Variants in PDE4B observed in about 807,000 individuals in gnomAD.
PDE4B encodes 3',5'-cyclic-AMP phosphodiesterase 4B.
A neutral mutation model predicts 82.2 loss-of-function variants in PDE4B; 20 were observed. That is an observed-to-expected ratio of 0.24 (90% confidence interval 0.17 to 0.35). The LOEUF (loss-of-function observed/expected upper bound fraction) is 0.35, where lower values mean the gene tolerates loss of function less well. PDE4B is among the 10% of genes least tolerant of loss of function. The probability of loss-of-function intolerance (pLI) is 1.00; values close to 1 mark genes in which losing one functional copy is unlikely to be tolerated. For synonymous variants in PDE4B, 320 were observed against 318.9 expected, an observed-to-expected ratio of 1.00 and a Z score of -0.04; for missense variants, 655 against 907.2, an observed-to-expected ratio of 0.72 and a Z score of 3.57.
At chr1:65,969,402 A>G (rs1400162147) in intron 3 of PDE4B, among the ~76,000 whole-genome samples, 3 of 152,198 alleles carry the variant, frequency 2.0e-5, no homozygotes, top group Non-Finnish European at 2.9e-5. Context: ...CTATCCTACC[A>G]TCTGCCTAGG....
At position 65,913,226 on chromosome 1, in the gene PDE4B, G is replaced by T; in HGVS notation, c.-70-19G>T. On this transcript the variant is annotated intron_variant, in intron 1 of 16. Coordinates refer to ENST00000341517, the MANE Select transcript of PDE4B (RefSeq NM_002600.4). ...AGGATACAGAGCTGTTCTTTTTTGT[G>T]TGTTTTTTTCTCCTGTAGGTATTAA... The T allele has an allele frequency of 9.3e-6, 10 of 1,078,074 alleles. No individual in the cohort carries two copies. The highest frequency in any genetic ancestry group is 7.4e-5 in the Admixed American group (4 of 53,880). The allele number at this position is 1,078,074 out of a possible 1,614,324, so 66.8% of individuals were successfully genotyped here. A position where few individuals can be genotyped will look rare whatever the true frequency, so the allele number is the denominator to read the frequency against.
At chr1:66,057,896 T>C (rs922266239) in intron 3 of PDE4B, among the ~76,000 whole-genome samples, 18 of 152,144 alleles carry the variant, frequency 1.2e-4, no homozygotes, top group African/African-American at 4.3e-4. Context: ...TCTTCACATT[T>C]CAAAATCAAT....
At chr1:65,812,742 A>G (rs969595844) in intron 1 of PDE4B, among the ~76,000 whole-genome samples, 2 of 152,214 alleles carry the variant, frequency 1.3e-5, no homozygotes, top group Admixed American at 6.5e-5. Context: ...AGCCTCCTAT[A>G]TGATATTATG....
intron 1 of PDE4B, among the ~76,000 whole-genome samples, chr1:65,809,680 T>A (rs181778998): frequency 2.4e-4 from 36 of 152,328 alleles, no homozygotes; most frequent in Middle Eastern, 6.8e-3. Context: ...TTTATGGTTA[T>A]TTTCTTATTT....
chr1:66,177,613 C>T (rs1048156622), intron 3 of PDE4B, among the ~76,000 whole-genome samples: 2 of 152,200 alleles, frequency 1.3e-5, no homozygotes, highest in Non-Finnish European at 2.9e-5. Context: ...CCTAAAAGAT[C>T]TCATTGTCCT....
chr1:66,307,732 A>G (rs956867497), intron 7 of PDE4B, among the ~76,000 whole-genome samples: 49 of 152,154 alleles, frequency 3.2e-4, no homozygotes, highest in Non-Finnish European at 1.5e-4. Flanking sequence ...AGAAAATATG[A>G]ACAATGGGAG....
At chr1:65,871,285 G>A (rs975789564) in intron 1 of PDE4B, among the ~76,000 whole-genome samples, 4 of 88,510 alleles carry the variant, frequency 4.5e-5, no homozygotes, top group African/African-American at 2.4e-4. Flanking sequence ...GCAAGTGAGA[G>A]TTAAGATGTA....
At chr1:66,126,091 C>T (rs1156290715) in intron 3 of PDE4B, among the ~76,000 whole-genome samples, 2 of 152,212 alleles carry the variant, frequency 1.3e-5, no homozygotes, top group African/African-American at 4.8e-5. Context: ...CAGGCGTGAG[C>T]CACTGCGCCC....
chr1:65,905,587 G>T (rs1647020305), intron 1 of PDE4B, among the ~76,000 whole-genome samples: 1 of 152,078 alleles, frequency 6.6e-6, no homozygotes. Flanking sequence ...GCAAAGCTGG[G>T]GATTAATATA....
At chr1:66,002,549 GT>G (rs960537208) in intron 3 of PDE4B, among the ~76,000 whole-genome samples, 4 of 151,822 alleles carry the variant, frequency 2.6e-5, no homozygotes, top group Admixed American at 1.3e-4. Context: ...CAAGAAGGAA[GT>G]TTTTTTAAAA....
chr1:65,984,074 A>G (rs950793375), intron 3 of PDE4B, among the ~76,000 whole-genome samples: 2 of 152,178 alleles, frequency 1.3e-5, no homozygotes, highest in African/African-American at 4.8e-5. Context: ...CAAAACTAGA[A>G]ACAGCCCAAT....
intron 3 of PDE4B, among the ~76,000 whole-genome samples, chr1:66,103,469 T>C (rs1645266626): frequency 6.6e-6 from 1 of 152,108 alleles, no homozygotes; most frequent in Non-Finnish European, 1.5e-5. Flanking sequence ...AGAGTTTCTC[T>C]TTTAGTGAAA....
At chr1:66,332,226 T>C in intron 7 of PDE4B, 1 of 1,444,432 alleles carries the variant, frequency 6.9e-7, no homozygotes. Context: ...AAGAGACCGT[T>C]CCCTCCGCCT....
In PDE4B at chr1:66,088,574, A is replaced by C. The variant is rs114140757; in HGVS notation, c.282-158886A>C. Among the ~76,000 whole-genome samples the C allele has an allele frequency of 6.7e-3, 1,014 of 152,264 alleles. 12 individuals carry two copies. Among genetic ancestry groups the C allele is most frequent in the African/African-American group, 0.023 (953 of 41,566 alleles). On this transcript the variant is annotated intron_variant, in intron 3 of 16. Transcript: ENST00000341517. Reference sequence around the variant, plus strand: ...TTTACATTTTTTGCTACTGTGTCAGATCTACCCTATGCTATACTTGTATTT... The same window carrying C: ...TTTACATTTTTTGCTACTGTGTCAGCTCTACCCTATGCTATACTTGTATTT...
intron 1 of PDE4B, among the ~76,000 whole-genome samples, chr1:65,898,639 T>G (rs1251932788): frequency 6.6e-6 from 1 of 152,082 alleles, no homozygotes; most frequent in Non-Finnish European, 1.5e-5. Flanking sequence ...TGGAACAGAA[T>G]AGAGAACCCA....
intron 3 of PDE4B, among the ~76,000 whole-genome samples, chr1:66,010,600 C>A (rs897616087): frequency 2.7e-5 from 4 of 150,922 alleles, no homozygotes; most frequent in Non-Finnish European, 4.4e-5. Context: ...TAATACTATA[C>A]TTTACATTCA....
intron 3 of PDE4B, among the ~76,000 whole-genome samples, chr1:66,084,433 C>G (rs1656899804): frequency 6.6e-6 from 1 of 152,158 alleles, no homozygotes; most frequent in South Asian, 2.1e-4. Context: ...AACACCCTTG[C>G]AAACATTATT....
chr1:66,169,348 G>A (rs1646795813), intron 3 of PDE4B, among the ~76,000 whole-genome samples: 1 of 152,198 alleles, frequency 6.6e-6, no homozygotes, highest in African/African-American at 2.4e-5. Context: ...ATATACACCA[G>A]CATGCTTAGA....
intron 3 of PDE4B, among the ~76,000 whole-genome samples, chr1:66,028,394 G>A (rs540134373): frequency 2.5e-4 from 38 of 152,230 alleles, no homozygotes; most frequent in Admixed American, 5.2e-4. Flanking sequence ...TTCTTCCTAA[G>A]CCTCAAGGCC....
Sources: allele counts gnomAD v4.1 joint callset (sites outside exome capture counted in the v4.1 genomes callset), GRCh38; gene constraint gnomAD v4.1.1; transcripts MANE v1.5; gene names NCBI Gene and HGNC (gene_info 2026-07-23, HGNC 2026-07-21).